The following DLG2 variants were observed in gnomAD, a reference collection of about 807,000 sequenced individuals.
The protein encoded by DLG2 is disks large homolog 2.
Under a neutral mutation model 132.5 loss-of-function variants are expected in DLG2, and 45 were observed. The observed-to-expected ratio is 0.34, with a 90% confidence interval of 0.27 to 0.44. The LOEUF is 0.44. Among genes scored for constraint, DLG2 ranks in the 20% least tolerant of loss-of-function variants. The probability of loss-of-function intolerance (pLI) is 1.00; values close to 1 mark genes in which losing one functional copy is unlikely to be tolerated. For missense variants in DLG2, 1,045 were observed against 1,196.9 expected (o/e 0.87, Z 1.87); for synonymous variants, 424 against 419.6 (o/e 1.01, Z -0.13).
intron 3 of DLG2, among the ~76,000 whole-genome samples, chr11:85,521,335 C>A (rs530729382): frequency 6.6e-6 from 1 of 152,296 alleles, no homozygotes; most frequent in Admixed American, 6.5e-5. Context: ...CTCTCTCCTG[C>A]CACCATCTGA....
intron 4 of DLG2, among the ~76,000 whole-genome samples, chr11:85,229,305 C>T (rs922150765): frequency 2.0e-5 from 3 of 151,696 alleles, no homozygotes; most frequent in African/African-American, 7.3e-5. Flanking sequence ...AGAAAAAAAA[C>T]CACCCCATCA....
At chr11:85,605,880 G>C (rs1343440969) in intron 2 of DLG2, among the ~76,000 whole-genome samples, 1 of 152,116 alleles carries the variant, frequency 6.6e-6, no homozygotes, top group African/African-American at 2.4e-5. Context: ...TTGGGAGGCT[G>C]AGGCAGGAAA....
intron 7 of DLG2, among the ~76,000 whole-genome samples, chr11:84,473,803 C>T (rs1026270420): frequency 3.9e-5 from 6 of 151,994 alleles, no homozygotes; most frequent in East Asian, 1.9e-4. Flanking sequence ...CCTGGAAACA[C>T]GGAATTAACA....
At chr11:85,456,517 T>A (rs1029593297) in intron 3 of DLG2, among the ~76,000 whole-genome samples, 1 of 152,148 alleles carries the variant, frequency 6.6e-6, no homozygotes, top group Non-Finnish European at 1.5e-5. Flanking sequence ...AGCTTTGAGA[T>A]TGGTTTGCTC....
chr11:84,213,856 A>G (rs772802204), intron 8 of DLG2, among the ~76,000 whole-genome samples: 56 of 150,992 alleles, frequency 3.7e-4, no homozygotes, highest in Non-Finnish European at 6.3e-4. Flanking sequence ...AAAGGATGTA[A>G]GATCCCTAGG....
chr11:84,325,184 C>T (rs748354062), intron 7 of DLG2, among the ~76,000 whole-genome samples: 8 of 151,666 alleles, frequency 5.3e-5, no homozygotes, highest in Non-Finnish European at 1.0e-4. Context: ...AGGTAATTTT[C>T]TTCTATTCCT....
At chr11:85,522,676 T>A (rs1329993635) in intron 3 of DLG2, among the ~76,000 whole-genome samples, 1 of 152,084 alleles carries the variant, frequency 6.6e-6, no homozygotes, top group Non-Finnish European at 1.5e-5. Flanking sequence ...AGACATGGAG[T>A]CAAAGGAGAT....
chr11:84,122,782 T>A (rs967791770), intron 9 of DLG2, among the ~76,000 whole-genome samples: 2 of 152,160 alleles, frequency 1.3e-5, no homozygotes, highest in African/African-American at 4.8e-5. Context: ...GAAGGTTTTT[T>A]ATAATCTCGT....
chr11:83,854,605 C>G (rs185366102), intron 16 of DLG2, among the ~76,000 whole-genome samples: 58 of 152,114 alleles, frequency 3.8e-4, no homozygotes, highest in Middle Eastern at 3.4e-3. Context: ...ACTCAAAATT[C>G]ATCACAAACC....
At chr11:85,513,476 C>G (rs115776875) in intron 3 of DLG2, among the ~76,000 whole-genome samples, 1 of 152,110 alleles carries the variant, frequency 6.6e-6, no homozygotes, top group African/African-American at 2.4e-5. Context: ...CAAACCAATA[C>G]TATGTCACAT....
intron 12 of DLG2, among the ~76,000 whole-genome samples, chr11:83,971,669 A>G (rs1403779361): frequency 6.6e-6 from 1 of 152,164 alleles, no homozygotes; most frequent in Non-Finnish European, 1.5e-5. Flanking sequence ...GTGGAACTCT[A>G]GAATCATTGG....
chr11:84,675,700 G>A (rs1277061397), intron 6 of DLG2, among the ~76,000 whole-genome samples: 8 of 151,984 alleles, frequency 5.3e-5, no homozygotes, highest in African/African-American at 1.7e-4. Flanking sequence ...TAGACGGGAC[G>A]GTATTTTAGC....
At chr11:84,357,485 A>G (rs2098623077) in intron 7 of DLG2, among the ~76,000 whole-genome samples, 2 of 151,896 alleles carry the variant, frequency 1.3e-5, no homozygotes, top group Non-Finnish European at 1.5e-5. Context: ...TCACAGTTTA[A>G]TTTTACATGG....
At chr11:83,474,706 T>A (rs1221069143) in intron 22 of DLG2, among the ~76,000 whole-genome samples, 1 of 152,136 alleles carries the variant, frequency 6.6e-6, no homozygotes, top group Non-Finnish European at 1.5e-5. Flanking sequence ...ATTTCAGTCA[T>A]GGGAAACAGG....
intron 6 of DLG2, among the ~76,000 whole-genome samples, chr11:84,553,152 C>T (rs137884460): frequency 3.8e-4 from 58 of 152,302 alleles, no homozygotes; most frequent in South Asian, 8.3e-4. Context: ...ACCTTTTCCA[C>T]AGTCTCTCCT....
intron 10 of DLG2, among the ~76,000 whole-genome samples, chr11:84,067,292 C>T (rs2096689794): frequency 6.6e-6 from 1 of 152,104 alleles, no homozygotes; most frequent in Non-Finnish European, 1.5e-5. Flanking sequence ...CAAGACCGCG[C>T]CACTGCACTC....
intron 7 of DLG2, among the ~76,000 whole-genome samples, chr11:84,416,593 G>A (rs187845771): frequency 6.6e-6 from 1 of 152,246 alleles, no homozygotes; most frequent in Admixed American, 6.5e-5. Flanking sequence ...ATGTGGTTTG[G>A]GATAAGACAT....
intron 10 of DLG2, among the ~76,000 whole-genome samples, chr11:84,069,193 G>C (rs1367628329): frequency 1.3e-5 from 2 of 152,190 alleles, no homozygotes; most frequent in East Asian, 3.8e-4. Context: ...GGTAATGCTG[G>C]ACTGAGACCA....
chr11:85,022,887 A>G (rs1195427090), intron 6 of DLG2, among the ~76,000 whole-genome samples: 1 of 152,118 alleles, frequency 6.6e-6, no homozygotes, highest in African/African-American at 2.4e-5. Flanking sequence ...CATTCACTGC[A>G]TCTGAGAATA....
Sources: allele counts gnomAD v4.1 joint callset (sites outside exome capture counted in the v4.1 genomes callset), GRCh38; gene constraint gnomAD v4.1.1; transcripts MANE v1.5; gene names NCBI Gene and HGNC (gene_info 2026-07-23, HGNC 2026-07-21).